PKIA: variants seen among roughly 807,000 people sequenced by gnomAD.
The protein encoded by PKIA is PKI-alpha.
PKIA carries 4 observed loss-of-function variants against 7.6 expected under a neutral mutation model. The ratio of observed to expected loss-of-function variants is 0.52; its 90% CI spans 0.26 to 1.20. The LOEUF (loss-of-function observed/expected upper bound fraction) is 1.20. PKIA is among the 50% of genes most tolerant of loss of function. The probability of loss-of-function intolerance (pLI) is 0.13; values close to 1 mark genes in which losing one functional copy is unlikely to be tolerated. For missense variants in PKIA, 73 were observed against 86.2 expected, an observed-to-expected ratio of 0.85 and a Z score of 0.61; for synonymous variants, 21 against 30.7, an observed-to-expected ratio of 0.68 and a Z score of 1.04.
intron 1 of PKIA, among the ~76,000 whole-genome samples, chr8:78,547,779 C>T (rs1207570867): frequency 6.6e-6 from 1 of 152,068 alleles, no homozygotes; most frequent in Non-Finnish European, 1.5e-5. Context: ...AAATTCTCCA[C>T]CTTCAAAAAT....
intron 1 of PKIA, among the ~76,000 whole-genome samples, chr8:78,523,918 TTATA>T (rs567131394): frequency 1.3e-3 from 165 of 126,546 alleles, no homozygotes; most frequent in African/African-American, 4.1e-3. Context: ...ACATATATAT[TTATA>T]TATATATAAA....
intron 1 of PKIA, among the ~76,000 whole-genome samples, chr8:78,564,453 A>G (rs1807359107): frequency 6.6e-6 from 1 of 152,026 alleles, no homozygotes; most frequent in Non-Finnish European, 1.5e-5. Context: ...CAAAAAATTT[A>G]AAGAAATGGA....
At chr8:78,545,627 A>G (rs1475636240) in intron 1 of PKIA, among the ~76,000 whole-genome samples, 1 of 152,150 alleles carries the variant, frequency 6.6e-6, no homozygotes, top group Non-Finnish European at 1.5e-5. Context: ...TACAAAAATT[A>G]CATATTTAGT....
intron 1 of PKIA, among the ~76,000 whole-genome samples, chr8:78,560,758 A>G (rs533595401): frequency 1.3e-5 from 2 of 152,322 alleles, no homozygotes; most frequent in African/African-American, 4.8e-5. Flanking sequence ...ATGGCTTAAC[A>G]TTTACTGGGC....
chr8:78,544,071 CTATAA>C (rs1456893683), intron 1 of PKIA, among the ~76,000 whole-genome samples: 2 of 152,078 alleles, frequency 1.3e-5, no homozygotes, highest in East Asian at 3.9e-4. Flanking sequence ...AACCCATTTA[CTATAA>C]TATACTTATA....
At chr8:78,525,605 A>T (rs1809526630) in intron 1 of PKIA, among the ~76,000 whole-genome samples, 1 of 152,074 alleles carries the variant, frequency 6.6e-6, no homozygotes, top group Non-Finnish European at 1.5e-5. Context: ...AAATGAAATA[A>T]AATGGCATTA....
At chr8:78,526,648 A>C (rs1806240790) in intron 1 of PKIA, among the ~76,000 whole-genome samples, 1 of 152,028 alleles carries the variant, frequency 6.6e-6, no homozygotes, top group Non-Finnish European at 1.5e-5. Flanking sequence ...GGTCTGTGAT[A>C]CATTTCTATT....
chr8:78,550,703 T>C (rs1383688678), intron 1 of PKIA, among the ~76,000 whole-genome samples: 3 of 152,194 alleles, frequency 2.0e-5, no homozygotes, highest in East Asian at 1.9e-4. Flanking sequence ...CATGTGGTAT[T>C]TGGTTACATG....
intron 1 of PKIA, 145 bp from the exon 2 acceptor site, chr8:78,572,666 G>T (rs1257428174): frequency 6.6e-6 from 1 of 151,738 alleles, no homozygotes; most frequent in East Asian, 1.9e-4. Context: ...TGTTTGTGTT[G>T]TGAGAATTCA....
chr8:78,556,891 G>C (rs749628099), intron 1 of PKIA, among the ~76,000 whole-genome samples: 1 of 152,082 alleles, frequency 6.6e-6, no homozygotes, highest in Non-Finnish European at 1.5e-5. Context: ...TGGCAGGAAC[G>C]ATAGATTTGC....
intron 1 of PKIA, among the ~76,000 whole-genome samples, chr8:78,563,150 T>C (rs906500994): frequency 2.6e-5 from 4 of 152,158 alleles, no homozygotes; most frequent in African/African-American, 9.7e-5. Flanking sequence ...TTCCTTACTC[T>C]AAAATTTCAG....
intron 1 of PKIA, among the ~76,000 whole-genome samples, chr8:78,552,073 G>A (rs1198946095): frequency 6.6e-6 from 1 of 151,818 alleles, no homozygotes; most frequent in Non-Finnish European, 1.5e-5. Flanking sequence ...GAAGGGAGAT[G>A]TCTGGAACAA....
chr8:78,530,174 A>G (rs1439484222), intron 1 of PKIA, among the ~76,000 whole-genome samples: 1 of 152,062 alleles, frequency 6.6e-6, no homozygotes, highest in Non-Finnish European at 1.5e-5. Flanking sequence ...GACAATACCA[A>G]CTCTCTAAAG....
intron 1 of PKIA, among the ~76,000 whole-genome samples, chr8:78,518,814 A>C (rs1309793650): frequency 1.3e-5 from 2 of 152,246 alleles, no homozygotes; most frequent in African/African-American, 4.8e-5. Flanking sequence ...GAAGAAAGAA[A>C]ACAAGTTAGA....
chr8:78,575,202 C>T (rs1377884638), intron 2 of PKIA, among the ~76,000 whole-genome samples: 1 of 151,946 alleles, frequency 6.6e-6, no homozygotes, highest in African/African-American at 2.4e-5. Flanking sequence ...CTCTTGCAAA[C>T]ACACCACCAA....
At chr8:78,543,361 A>G (rs1344350339) in intron 1 of PKIA, among the ~76,000 whole-genome samples, 1 of 152,188 alleles carries the variant, frequency 6.6e-6, no homozygotes, top group Non-Finnish European at 1.5e-5. Flanking sequence ...TGTGGTCTGT[A>G]TAAATGCACA....
intron 1 of PKIA, among the ~76,000 whole-genome samples, chr8:78,568,897 C>A (rs1486101849): frequency 1.3e-5 from 2 of 152,126 alleles, no homozygotes; most frequent in African/African-American, 4.8e-5. Context: ...GTGCATACCA[C>A]CCTACTCTTG....
chr8:78,587,053 C>G (rs1369250462), intron 2 of PKIA, among the ~76,000 whole-genome samples: 1 of 151,958 alleles, frequency 6.6e-6, no homozygotes, highest in African/African-American at 2.4e-5. Flanking sequence ...TGGAACAGAC[C>G]AGAAAATATT....
intron 1 of PKIA, among the ~76,000 whole-genome samples, chr8:78,526,219 T>G (rs1399795139): frequency 6.6e-6 from 1 of 152,078 alleles, no homozygotes; most frequent in Non-Finnish European, 1.5e-5. Flanking sequence ...ATGCAGACAC[T>G]GCCAGTGTCA....
Sources: gnomAD v4.1 joint callset for allele counts (sites outside exome capture counted in the v4.1 genomes callset) on GRCh38, gnomAD v4.1.1 for gene constraint, MANE v1.5 for transcripts, NCBI Gene and HGNC (gene_info 2026-07-23, HGNC 2026-07-21) for gene names.